Variants in COL19A1 observed in about 807,000 individuals in gnomAD.
COL19A1 encodes collagen alpha-1(XIX) chain.
COL19A1 carries 159 observed loss-of-function variants against 190.2 expected under a neutral mutation model. The ratio of observed to expected loss-of-function variants is 0.84; its 90% CI spans 0.73 to 0.95. The LOEUF is 0.95. Among genes scored for constraint, COL19A1 ranks in the 40% least tolerant of loss-of-function variants. The probability of loss-of-function intolerance (pLI) is 0.00; values close to 1 mark genes in which losing one functional copy is unlikely to be tolerated. For synonymous variants in COL19A1, 509 were observed against 458.9 expected (o/e 1.11, Z -1.39); for missense variants, 1,418 against 1,431.9 (o/e 0.99, Z 0.16).
chr6:70,052,582 A>G (rs1780267222), intron 14 of COL19A1, among the ~76,000 whole-genome samples: 1 of 151,910 alleles, frequency 6.6e-6, no homozygotes, highest in Non-Finnish European at 1.5e-5. Flanking sequence ...TTGATTTTTC[A>G]TTCCATTTCT....
In COL19A1 at chr6:70,146,684, C is replaced by G. The variant is rs1786671438; in HGVS notation, c.1796C>G (p.Pro599Arg). ...EPGLDGNPGA[P>R]GPRGPKGERG... is the part of the protein sequence containing the mutation. ...GGATTAGATGGAAATCCTGGAGCAC[C>G]TGGTCCACGTGGGCCAAAGGTATAC... The change falls in exon 26 of 51, where the codon CCT (proline) becomes CGT (arginine). Residue 599 changes from proline (P) to arginine (R), a missense_variant. Coordinates refer to ENST00000620364, the MANE Select transcript of COL19A1 (RefSeq NM_001858.6). 5 of 1,604,850 alleles carry G rather than the reference C, an allele frequency of 3.1e-6. No individual in the cohort carries two copies. Among genetic ancestry groups the G allele is most frequent in the African/African-American group, 1.3e-5 (1 of 74,438 alleles).
chr6:69,995,660 A>G (rs1273423850), intron 11 of COL19A1, among the ~76,000 whole-genome samples: 1 of 152,166 alleles, frequency 6.6e-6, no homozygotes, highest in Non-Finnish European at 1.5e-5. Flanking sequence ...AAATTTTTGA[A>G]GTAGTGGACT....
chr6:70,167,788 A>T (rs1031315654), intron 37 of COL19A1, among the ~76,000 whole-genome samples: 2 of 152,182 alleles, frequency 1.3e-5, no homozygotes, highest in African/African-American at 2.4e-5. Flanking sequence ...CCCAACTGAA[A>T]GTATCCGTGT....
intron 14 of COL19A1, chr6:70,059,828 G>T (rs1285983010): frequency 2.0e-6 from 1 of 510,206 alleles, no homozygotes; most frequent in Admixed American, 2.2e-5. Flanking sequence ...CAAAATTTTA[G>T]AAATAACTCA....
chr6:70,137,693 T>C lies in COL19A1; in HGVS notation c.1392T>C (p.Thr464=). The C allele has an allele frequency of 6.2e-7, 1 of 1,613,336 alleles. No homozygotes were observed. Among genetic ancestry groups the C allele is most frequent in the Non-Finnish European group, 8.5e-7 (1 of 1,179,416 alleles). The change falls in exon 19 of 51, where the codon ACT becomes ACC. Residue 464 remains threonine, a synonymous_variant. Transcript: ENST00000620364. The part of the protein sequence containing the change: ...AGGLKGDKGE[T]GLPGFPGSVG... ...CTGCTTTGTCTTGAAAGGGTGAAACTGGACTACCAGGATTTCCAGGGTCTG... is the reference window on the plus strand; with the variant it reads ...CTGCTTTGTCTTGAAAGGGTGAAACCGGACTACCAGGATTTCCAGGGTCTG...
chr6:70,157,467 G>A (rs920886316), intron 34 of COL19A1, among the ~76,000 whole-genome samples: 1 of 152,014 alleles, frequency 6.6e-6, no homozygotes, highest in African/African-American at 2.4e-5. Flanking sequence ...AAGTAAGTAA[G>A]CCATCTGGCA....
intron 11 of COL19A1, among the ~76,000 whole-genome samples, chr6:69,975,853 C>T (rs191990652): frequency 2.6e-5 from 4 of 152,182 alleles, no homozygotes; most frequent in Admixed American, 2.0e-4. Flanking sequence ...GTAGAATGAG[C>T]GTATTTATTT....
chr6:70,152,971 C>T (rs1583037458), intron 31 of COL19A1, among the ~76,000 whole-genome samples: 2 of 152,104 alleles, frequency 1.3e-5, no homozygotes. Context: ...AGAAGTGGAA[C>T]TAATTGACAA....
At chr6:69,978,326 T>A (rs1582586376) in intron 11 of COL19A1, among the ~76,000 whole-genome samples, 1 of 152,202 alleles carries the variant, frequency 6.6e-6, no homozygotes, top group African/African-American at 2.4e-5. Flanking sequence ...TTTTATCCAA[T>A]AGATAATTTT....
At chr6:70,131,545 G>A (rs879713738) in intron 18 of COL19A1, among the ~76,000 whole-genome samples, 1 of 152,190 alleles carries the variant, frequency 6.6e-6, no homozygotes, top group Non-Finnish European at 1.5e-5. Context: ...ATTTGTGTGA[G>A]TTAGATTTTA....
chr6:69,980,609 G>GA (rs1206126130), intron 11 of COL19A1, among the ~76,000 whole-genome samples: 1 of 152,124 alleles, frequency 6.6e-6, no homozygotes, highest in African/African-American at 2.4e-5. Context: ...TAATTGTTCT[G>GA]ATAAAATATA....
rs765263659 is a variant in COL19A1, at chr6:70,211,502, A to G, written c.*4228A>G. Among the ~76,000 whole-genome samples, 7 of 150,640 alleles carry G rather than the reference A, an allele frequency of 4.6e-5. No individual in the cohort carries two copies. Among genetic ancestry groups the G allele is most frequent in the African/African-American group, 7.3e-5 (3 of 40,866 alleles). The stretch of plus-strand genomic sequence containing the variant: ...CCCCTTTTGTACCATCTCTGCTCAC[A>G]AAGATTATATGCAGGCTTTGAAGAG... On this transcript the variant is annotated 3_prime_UTR_variant, in exon 51 of 51. Coordinates refer to ENST00000620364, the MANE Select transcript of COL19A1 (RefSeq NM_001858.6).
At chr6:70,103,465 C>T (rs188271595) in intron 16 of COL19A1, among the ~76,000 whole-genome samples, 6 of 152,302 alleles carry the variant, frequency 3.9e-5, no homozygotes, top group African/African-American at 7.2e-5. Flanking sequence ...TTAAATTCCT[C>T]AATCGCTTCT....
rs1449022719 is a variant in COL19A1, at chr6:70,046,554, G to C, written c.1170+10615G>C. 2.6e-5 allele frequency among the ~76,000 whole-genome samples: 4 copies of C among 152,046 alleles called. No homozygotes were observed. In the East Asian group the frequency reaches 7.7e-4, roughly 29 times the overall value. On this transcript the variant is annotated intron_variant, in intron 14 of 50. Transcript: ENST00000620364. ...TTTAATGCAGAGTGCTGGCCAATTA[G>C]AATAAATGGATTGTTCTGATTCAGT...
intron 11 of COL19A1, among the ~76,000 whole-genome samples, chr6:69,980,810 AT>A (rs949452717): frequency 6.6e-6 from 1 of 152,244 alleles, no homozygotes; most frequent in Non-Finnish European, 1.5e-5. Flanking sequence ...TAAAGCAATT[AT>A]GAGATTTGGC....
intron 48 of COL19A1, among the ~76,000 whole-genome samples, chr6:70,194,529 A>G (rs1340460553): frequency 1.3e-5 from 2 of 152,152 alleles, no homozygotes; most frequent in African/African-American, 4.8e-5. Context: ...TAAATTCCCA[A>G]TTTGATTGTC....
chr6:70,051,192 A>G (rs1238945363), intron 14 of COL19A1, among the ~76,000 whole-genome samples: 1 of 152,106 alleles, frequency 6.6e-6, no homozygotes, highest in Non-Finnish European at 1.5e-5. Context: ...ATTTTATCAC[A>G]TTATTTTAAA....
At chr6:70,111,660 T>A (rs1784293242) in intron 16 of COL19A1, among the ~76,000 whole-genome samples, 1 of 152,210 alleles carries the variant, frequency 6.6e-6, no homozygotes, top group Non-Finnish European at 1.5e-5. Flanking sequence ...CTGAAATCCT[T>A]TGTGGAATGG....
At chr6:70,105,575 G>C (rs189898779) in intron 16 of COL19A1, among the ~76,000 whole-genome samples, 2 of 152,024 alleles carry the variant, frequency 1.3e-5, no homozygotes, top group African/African-American at 4.8e-5. Context: ...CCTTAATTGT[G>C]GACATTTTTA....
Sources: allele counts gnomAD v4.1 joint callset (sites outside exome capture counted in the v4.1 genomes callset), GRCh38; gene constraint gnomAD v4.1.1; transcripts MANE v1.5; gene names NCBI Gene and HGNC (gene_info 2026-07-23, HGNC 2026-07-21).